The following COLEC10 variants were observed in gnomAD, a reference collection of about 807,000 sequenced individuals.
COLEC10 encodes the protein collectin-10.
A neutral mutation model predicts 28.4 loss-of-function variants in COLEC10; 22 were observed. The observed-to-expected ratio is 0.78, with a 90% CI of 0.55 to 1.11. The LOEUF is 1.11. COLEC10 is among the 50% of genes least tolerant of loss of function. The pLI, the probability that COLEC10 is intolerant of heterozygous loss-of-function variation, is 0.00. For synonymous variants in COLEC10, 125 were observed against 116.1 expected (o/e 1.08, Z -0.49); for missense variants, 361 against 344.1 (o/e 1.05, Z -0.39).
At chr8:119,045,570 T>A (rs1486950883) in intron 2 of COLEC10, among the ~76,000 whole-genome samples, 1 of 152,244 alleles carries the variant, frequency 6.6e-6, no homozygotes, top group Non-Finnish European at 1.5e-5. Flanking sequence ...ACTGCTTATA[T>A]GGAGAGAAAA....
chr8:119,010,225 G>A (rs558963112), intron 2 of COLEC10, among the ~76,000 whole-genome samples: 17 of 150,706 alleles, frequency 1.1e-4, no homozygotes, highest in East Asian at 1.9e-4. Context: ...TATCTTCAGC[G>A]TTTTGCCCAT....
At chr8:119,060,533 G>A (rs1399310375) in intron 2 of COLEC10, among the ~76,000 whole-genome samples, 1 of 152,080 alleles carries the variant, frequency 6.6e-6, no homozygotes, top group Non-Finnish European at 1.5e-5. Context: ...GACATCTAGG[G>A]ATATCAGCCA....
intron 1 of COLEC10, among the ~76,000 whole-genome samples, chr8:119,070,989 C>A (rs1335596403): frequency 6.6e-6 from 1 of 152,146 alleles, no homozygotes; most frequent in Non-Finnish European, 1.5e-5. Flanking sequence ...TGGAATCTTG[C>A]AACTTGAACT....
At chr8:118,964,908 A>G in the COLEC10 span, among the ~76,000 whole-genome samples, 1 of 152,204 alleles carries the variant, frequency 6.6e-6, no homozygotes, top group African/African-American at 2.4e-5. Flanking sequence ...TATTTGTAGC[A>G]GAATAAGTGT....
intron 2 of COLEC10, among the ~76,000 whole-genome samples, chr8:119,060,118 T>G (rs1039408844): frequency 1.3e-5 from 2 of 152,080 alleles, no homozygotes; most frequent in African/African-American, 4.8e-5. Flanking sequence ...TATGGAAGAT[T>G]AAATCTACAT....
intron 2 of COLEC10, among the ~76,000 whole-genome samples, chr8:119,037,230 C>A (rs1814405769): frequency 6.6e-6 from 1 of 152,088 alleles, no homozygotes; most frequent in Non-Finnish European, 1.5e-5. Flanking sequence ...AATATTTTGT[C>A]CATTTTCTAA....
the COLEC10 span, among the ~76,000 whole-genome samples, chr8:118,976,773 T>G: frequency 2.0e-5 from 3 of 152,158 alleles, no homozygotes. Flanking sequence ...CTAAAGAGCT[T>G]CTGCACAGCA....
intron 3 of COLEC10, among the ~76,000 whole-genome samples, chr8:119,099,363 T>C (rs1815778800): frequency 6.6e-6 from 1 of 152,080 alleles, no homozygotes; most frequent in South Asian, 2.1e-4. Context: ...GGTTGAGCAT[T>C]CTATGTGAGT....
chr8:119,009,617 G>A (rs1299118623), intron 2 of COLEC10: 4 of 150,552 alleles, frequency 2.7e-5, no homozygotes, highest in African/African-American at 7.5e-5. Context: ...AAAAGAAAAC[G>A]AACTAAGACA....
the COLEC10 span, among the ~76,000 whole-genome samples, chr8:118,955,607 A>G: frequency 1.2e-4 from 19 of 152,350 alleles, no homozygotes; most frequent in African/African-American, 4.6e-4. Context: ...GTGGCAATAG[A>G]AGGACCTGAC....
At chr8:119,091,479 C>T (rs189972421) in intron 3 of COLEC10, among the ~76,000 whole-genome samples, 1 of 151,238 alleles carries the variant, frequency 6.6e-6, no homozygotes, top group Non-Finnish European at 1.5e-5. Flanking sequence ...CGTTTGAGCC[C>T]ATAAGTTTGA....
chr8:119,038,907 A>C (rs182602118), intron 2 of COLEC10, among the ~76,000 whole-genome samples: 2 of 151,910 alleles, frequency 1.3e-5, no homozygotes, highest in Non-Finnish European at 2.9e-5. Flanking sequence ...TTTTTTTGAA[A>C]TTTTTTGCCA....
intron 2 of COLEC10, among the ~76,000 whole-genome samples, chr8:119,016,679 G>C (rs1469325880): frequency 6.6e-6 from 1 of 151,884 alleles, no homozygotes; most frequent in Non-Finnish European, 1.5e-5. Flanking sequence ...AGCCTTGCCA[G>C]CATCTGTTGT....
At chr8:119,095,525 A>C (rs985397778) in intron 3 of COLEC10, among the ~76,000 whole-genome samples, 5 of 152,116 alleles carry the variant, frequency 3.3e-5, no homozygotes, top group Non-Finnish European at 5.9e-5. Flanking sequence ...CACATGATGA[A>C]ACCCCGTCTC....
chr8:119,011,878 C>T (rs1223460481), intron 2 of COLEC10, among the ~76,000 whole-genome samples: 1 of 150,864 alleles, frequency 6.6e-6, no homozygotes, highest in East Asian at 1.9e-4. Context: ...AGAGTTTCTA[C>T]ATTAATGATC....
upstream of COLEC10, among the ~76,000 whole-genome samples, chr8:119,065,289 G>C (rs1041666542): frequency 2.6e-5 from 4 of 152,112 alleles, no homozygotes; most frequent in South Asian, 6.2e-4. Context: ...TACTGCCTTA[G>C]TTCCCACCTC....
At chr8:119,074,272 G>C (rs1218484324) in intron 1 of COLEC10, among the ~76,000 whole-genome samples, 1 of 151,980 alleles carries the variant, frequency 6.6e-6, no homozygotes, top group Non-Finnish European at 1.5e-5. Context: ...TTGTACATTT[G>C]TAAATAACTA....
At chr8:118,959,014 CA>C in the COLEC10 span, among the ~76,000 whole-genome samples, 1 of 152,192 alleles carries the variant, frequency 6.6e-6, no homozygotes, top group African/African-American at 2.4e-5. Context: ...GAGGTAGCAG[CA>C]AACAGTGACT....
At chr8:119,081,762 G>T (rs1415452838) in intron 1 of COLEC10, among the ~76,000 whole-genome samples, 2 of 152,164 alleles carry the variant, frequency 1.3e-5, no homozygotes, top group Non-Finnish European at 2.9e-5. Flanking sequence ...GCCTGTGAAG[G>T]TTCACATACT....
Sources: allele counts gnomAD v4.1 joint callset (sites outside exome capture counted in the v4.1 genomes callset), GRCh38; gene constraint gnomAD v4.1.1; transcripts MANE v1.5; gene names NCBI Gene and HGNC (gene_info 2026-07-23, HGNC 2026-07-21).